The following CLIP2 variants were observed in gnomAD, a reference collection of about 807,000 sequenced individuals.
CLIP2 encodes CAP-Gly domain containing linker protein 2.
A neutral mutation model predicts 111.7 loss-of-function variants in CLIP2; 41 were observed. The observed-to-expected ratio is 0.37, with a 90% CI of 0.29 to 0.48. CLIP2 has a LOEUF of 0.48. CLIP2 is among the 20% of genes least tolerant of loss of function. The pLI is 0.99. For synonymous variants in CLIP2, 660 were observed against 644.2 expected, an observed-to-expected ratio of 1.02 and a Z score of -0.37; for missense variants, 1,160 against 1,422.1, an observed-to-expected ratio of 0.82 and a Z score of 2.96.
chr7:74,351,426 CAAAAAAAAAAAA>C (rs55952428), intron 3 of CLIP2, among the ~76,000 whole-genome samples: 2 of 65,938 alleles, frequency 3.0e-5, no homozygotes, highest in Admixed American at 1.7e-4. Context: ...ATTCCAGTGT[CAAAAAAAAAAAA>C]AAAAAAAAAA....
At chr7:74,402,184 G>A (rs577288898) in intron 16 of CLIP2, among the ~76,000 whole-genome samples, 2 of 152,048 alleles carry the variant, frequency 1.3e-5, no homozygotes, top group South Asian at 2.1e-4. Flanking sequence ...AAAAAAATTA[G>A]CTGGGCGTGG....
intron 8 of CLIP2, 85 bp downstream of exon 8, chr7:74,364,400 C>A: frequency 8.4e-7 from 1 of 1,184,508 alleles, no homozygotes; most frequent in Non-Finnish European, 1.2e-6. Flanking sequence ...GGTCCAGCAG[C>A]ACCTCTAGGC....
intron 11 of CLIP2, among the ~76,000 whole-genome samples, chr7:74,384,431 A>G (rs1303187372): frequency 1.4e-5 from 2 of 146,754 alleles, no homozygotes; most frequent in African/African-American, 5.1e-5. Flanking sequence ...GTAGAATGCT[A>G]GGTCATATGA....
chr7:74,354,406 G>A (rs1554308106), intron 4 of CLIP2, among the ~76,000 whole-genome samples: 1 of 152,142 alleles, frequency 6.6e-6, no homozygotes, highest in African/African-American at 2.4e-5. Context: ...TTGAGATCAG[G>A]TGTTCGAGAC....
chr7:74,309,030 G>A (rs1482422657), intron 1 of CLIP2, among the ~76,000 whole-genome samples: 20 of 151,628 alleles, frequency 1.3e-4, no homozygotes, highest in African/African-American at 4.8e-4. Flanking sequence ...ACCACACCTG[G>A]CTACATTTTG....
intron 12 of CLIP2, chr7:74,388,801 A>T (rs1465210071): frequency 4.7e-6 from 1 of 213,110 alleles, no homozygotes; most frequent in Non-Finnish European, 9.2e-6. Context: ...TCTCCAAAAA[A>T]AAAAAACCGC....
chr7:74,300,531 T>C (rs1360580266), intron 1 of CLIP2, among the ~76,000 whole-genome samples: 13 of 150,932 alleles, frequency 8.6e-5, no homozygotes, highest in African/African-American at 3.2e-4. Context: ...TCTCGGCTCA[T>C]TGCAAACTCC....
chr7:74,401,582 G>A lies in CLIP2; in HGVS notation c.3129+15G>A, dbSNP rs1554317675. 4.3e-6 allele frequency: 7 copies of A among 1,612,708 alleles called. No homozygotes were observed. The South Asian group carries it at 4.4e-5, about 10-fold the overall frequency. ...AGAAACAAGAGGTGAGGGGCGCCTCGGGCCTCCCAGGTCCCTCCCGTGCAG... is the reference window on the plus strand; with the variant it reads ...AGAAACAAGAGGTGAGGGGCGCCTCAGGCCTCCCAGGTCCCTCCCGTGCAG... On this transcript the variant is annotated intron_variant, in intron 16 of 16. Coordinates refer to ENST00000223398, the MANE Select transcript of CLIP2 (RefSeq NM_003388.5).
chr7:74,328,728 G>T (rs1220088092), intron 2 of CLIP2, among the ~76,000 whole-genome samples: 3 of 152,100 alleles, frequency 2.0e-5, no homozygotes, highest in African/African-American at 7.2e-5. Context: ...CCTGCTTGAT[G>T]CCTGTGGTAT....
intron 1 of CLIP2, among the ~76,000 whole-genome samples, chr7:74,303,182 C>A (rs1788385432): frequency 6.6e-6 from 1 of 152,206 alleles, no homozygotes; most frequent in South Asian, 2.1e-4. Flanking sequence ...CCTCTTCTTG[C>A]CCTGGTCAGG....
intron 1 of CLIP2, among the ~76,000 whole-genome samples, chr7:74,301,719 T>G (rs1290793959): frequency 2.7e-5 from 4 of 145,982 alleles, no homozygotes; most frequent in African/African-American, 1.0e-4. Flanking sequence ...GTTTTGTTTT[T>G]TTTGTTTTTT....
chr7:74,357,860 G>A (rs1200618547), intron 6 of CLIP2, among the ~76,000 whole-genome samples: 8 of 150,880 alleles, frequency 5.3e-5, no homozygotes, highest in East Asian at 3.9e-4. Context: ...CGGTTCAAGC[G>A]ATTCTCCTGC....
At chr7:74,300,055 C>T (rs1434991440) in intron 1 of CLIP2, among the ~76,000 whole-genome samples, 1 of 151,766 alleles carries the variant, frequency 6.6e-6, no homozygotes, top group Non-Finnish European at 1.5e-5. Context: ...GGCACGATCT[C>T]AGCTCACTGC....
chr7:74,295,257 C>A (rs1295244734), intron 1 of CLIP2, among the ~76,000 whole-genome samples: 1 of 152,074 alleles, frequency 6.6e-6, no homozygotes, highest in African/African-American at 2.4e-5. Flanking sequence ...CCACTGCACC[C>A]AGCTGGGGCT....
intron 16 of CLIP2, among the ~76,000 whole-genome samples, chr7:74,402,345 C>CA (rs559721641): frequency 0.011 from 1,340 of 117,276 alleles, 9 homozygotes; most frequent in Middle Eastern, 0.028. Context: ...AAAAAAAAAC[C>CA]AAAAAAAAAA....
chr7:74,322,381 A>C (rs1262109314), intron 2 of CLIP2, among the ~76,000 whole-genome samples: 1 of 150,852 alleles, frequency 6.6e-6, no homozygotes, highest in Non-Finnish European at 1.5e-5. Flanking sequence ...CAAGGCAGGC[A>C]GATCACCTGA....
At chr7:74,294,026 C>T (rs1363125493) in intron 1 of CLIP2, among the ~76,000 whole-genome samples, 1 of 152,058 alleles carries the variant, frequency 6.6e-6, no homozygotes, top group African/African-American at 2.4e-5. Context: ...AAGTGATTCT[C>T]CTGCCTCAGC....
intron 2 of CLIP2, among the ~76,000 whole-genome samples, chr7:74,319,912 G>A (rs1373628380): frequency 6.6e-6 from 1 of 151,444 alleles, no homozygotes; most frequent in Admixed American, 6.6e-5. Context: ...AAGGACACAG[G>A]GTTTGGGTTT....
Position 74,338,437 on chromosome 7 carries a change from C to T in CLIP2, c.122-11C>T, listed in dbSNP as rs1554732565. 2 of 1,610,984 alleles carry T rather than the reference C, an allele frequency of 1.2e-6. No individual in the cohort carries two copies. Among genetic ancestry groups the T allele is most frequent in the South Asian group, 2.2e-5 (2 of 90,782 alleles). On this transcript the variant is annotated splice_polypyrimidine_tract_variant and intron_variant, in intron 2 of 16. Transcript: ENST00000223398. This position sits in a 1 kb window ranked among gnomAD's most constrained non-coding sequence, Gnocchi z 4.3. ...AGCCACCTCTTTCCCTTTCCCTCTC[C>T]TTCTCTGCAGGCTCCCCACTGCACA...
Sources: allele counts gnomAD v4.1 joint callset (sites outside exome capture counted in the v4.1 genomes callset), GRCh38; gene constraint gnomAD v4.1.1; non-coding constraint Gnocchi (gnomAD v3.1); transcripts MANE v1.5; gene names NCBI Gene and HGNC (gene_info 2026-07-23, HGNC 2026-07-21).